Variants in OTOP1 observed in about 807,000 individuals in gnomAD.
The protein encoded by OTOP1 is proton channel OTOP1.
OTOP1 carries 59 observed loss-of-function variants against 52.9 expected under a neutral mutation model. The observed-to-expected ratio is 1.12, with a 90% CI of 0.91 to 1.39. The LOEUF is 1.39. Ranked by LOEUF, OTOP1 falls within the 40% of genes most tolerant of loss-of-function variation. OTOP1 has a pLI of 0.00. For missense variants in OTOP1, 761 were observed against 800.9 expected (o/e 0.95, Z 0.60); for synonymous variants, 317 against 337.7 (o/e 0.94, Z 0.67).
intron 1 of OTOP1, among the ~76,000 whole-genome samples, chr4:4,221,176 T>A (rs1263888780): frequency 6.6e-6 from 1 of 151,558 alleles, no homozygotes; most frequent in Non-Finnish European, 1.5e-5. Flanking sequence ...GCCTCCTGGG[T>A]TCAAGCAATT....
At chr4:4,198,204 C>T in intron 4 of OTOP1, 101 bp from the exon 5 acceptor site, 1 of 942,826 alleles carries the variant, frequency 1.1e-6, no homozygotes. Context: ...AGGCTTGGGT[C>T]TTCCCACTGG....
At chr4:4,211,907 G>A (rs533582587) in intron 2 of OTOP1, among the ~76,000 whole-genome samples, 7 of 152,266 alleles carry the variant, frequency 4.6e-5, no homozygotes, top group Non-Finnish European at 7.4e-5. Flanking sequence ...AATGGACAAC[G>A]TGAAGACTAT....
intron 5 of OTOP1, among the ~76,000 whole-genome samples, chr4:4,193,035 T>C (rs1323465735): frequency 6.6e-6 from 1 of 152,222 alleles, no homozygotes; most frequent in Non-Finnish European, 1.5e-5. Context: ...GTTTATGTGA[T>C]GTGTTTTTTG....
intron 3 of OTOP1, among the ~76,000 whole-genome samples, chr4:4,202,872 G>A (rs913607395): frequency 4.6e-5 from 7 of 152,214 alleles, no homozygotes; most frequent in African/African-American, 1.7e-4. Flanking sequence ...CTAGAGGGAT[G>A]AAAATTTACT....
In OTOP1 at chr4:4,218,360, C is replaced by T. The variant is rs190801537; in HGVS notation, c.404-5356G>A. Among the ~76,000 whole-genome samples, 5 of 148,854 alleles carry T rather than the reference C, an allele frequency of 3.4e-5. No homozygotes were observed. The East Asian group carries it at 9.9e-4, about 29-fold the overall frequency. ...TGAACCGAGATTGCGCCATTGCACT[C>T]CAGCATGGGTGACAGAGCGAGACTC... On this transcript the variant is annotated intron_variant, in intron 1 of 5. Coordinates refer to ENST00000296358, the MANE Select transcript of OTOP1 (RefSeq NM_177998.3).
intron 5 of OTOP1, among the ~76,000 whole-genome samples, chr4:4,192,758 G>A (rs545726806): frequency 9.9e-4 from 151 of 152,286 alleles, no homozygotes; most frequent in Non-Finnish European, 1.7e-3. Context: ...GGAGACCCTG[G>A]AGGGTGTTAT....
At chr4:4,209,558 G>A (rs941386312) in intron 2 of OTOP1, among the ~76,000 whole-genome samples, 13 of 152,102 alleles carry the variant, frequency 8.5e-5, no homozygotes, top group Admixed American at 3.9e-4. Context: ...CACTGCCCTC[G>A]AGGTGAAGCC....
At chr4:4,222,433 C>T (rs561854115) in intron 1 of OTOP1, among the ~76,000 whole-genome samples, 8 of 152,052 alleles carry the variant, frequency 5.3e-5, no homozygotes, top group South Asian at 2.1e-4. Flanking sequence ...CTCCTCCTGC[C>T]GCCACTCTTT....
rs1190823525 is a variant in OTOP1 at position 4,197,291 on chromosome 4, TCTC to T, written c.1540_1542del (p.Glu514del). On this transcript the variant is annotated inframe_deletion, in exon 5 of 6. Transcript: ENST00000296358. ...CCTCCCCAGCTGCTCTCCTCCTGCT[TCTC>T]CTCCTCCTTGTCATGGCTTTCTCTC... 1.9e-6 allele frequency: 3 copies of T among 1,614,102 alleles called. No homozygotes were observed. Among genetic ancestry groups the T allele is most frequent in the East Asian group, 2.2e-5 (1 of 44,868 alleles).
At chr4:4,189,188 C>T (rs1716450155) in intron 5 of OTOP1, among the ~76,000 whole-genome samples, 1 of 152,206 alleles carries the variant, frequency 6.6e-6, no homozygotes, top group African/African-American at 2.4e-5. Flanking sequence ...CTCAACCACC[C>T]TTCCCTGCAA....
Position 4,215,436 on chromosome 4 carries a change from T to A in OTOP1, c.404-2432A>T, listed in dbSNP as rs888255846. Among the ~76,000 whole-genome samples, 27 of 151,916 alleles carry A rather than the reference T, an allele frequency of 1.8e-4. No individual in the cohort carries two copies. In the East Asian group the frequency reaches 4.3e-3, roughly 24 times the overall value. ...CAGCACTTTGGGATGCTGAGGCGGG[T>A]GGATCACCTGAGGTTGGGAGTTCGA... On this transcript the variant is annotated intron_variant, in intron 1 of 5. Transcript: ENST00000296358.
chr4:4,221,236 C>T (rs1300576098), intron 1 of OTOP1, among the ~76,000 whole-genome samples: 6 of 151,510 alleles, frequency 4.0e-5, no homozygotes, highest in Non-Finnish European at 5.9e-5. Context: ...CTCCACATAG[C>T]GAGACCCCTG....
At chr4:4,212,652 T>C (rs897102248) in intron 2 of OTOP1, among the ~76,000 whole-genome samples, 11 of 152,218 alleles carry the variant, frequency 7.2e-5, no homozygotes, top group African/African-American at 1.2e-4. Context: ...TTCTGCCTCA[T>C]AGGATCCCTG....
At chr4:4,208,628 G>A (rs1444385330) in intron 2 of OTOP1, among the ~76,000 whole-genome samples, 2 of 152,128 alleles carry the variant, frequency 1.3e-5, no homozygotes, top group African/African-American at 4.8e-5. Flanking sequence ...CGGAGGAGGA[G>A]GAAATAGAGA....
At chr4:4,196,386 C>G (rs779252213) in intron 5 of OTOP1, among the ~76,000 whole-genome samples, 1 of 152,102 alleles carries the variant, frequency 6.6e-6, no homozygotes, top group Non-Finnish European at 1.5e-5. Context: ...ACCCCCATCT[C>G]TACTAAAAAT....
chr4:4,207,295 C>T (rs952556812), intron 2 of OTOP1, among the ~76,000 whole-genome samples: 18 of 152,160 alleles, frequency 1.2e-4, no homozygotes, highest in Admixed American at 3.3e-4. Flanking sequence ...AATTAGACAG[C>T]CATTTAATTG....
In OTOP1 at chr4:4,203,452, C is replaced by T. The variant is rs142125353; in HGVS notation, c.600-874G>A. On this transcript the variant is annotated intron_variant, in intron 3 of 5. Coordinates refer to ENST00000296358, the MANE Select transcript of OTOP1 (RefSeq NM_177998.3). ...GCAGCCACATGGGGGTTTGCAGAGT[C>T]GGTAAGGAGCAGAGGTCTTCCAGTC... is the stretch of plus-strand genomic sequence containing the variant. 4.1e-3 allele frequency among the ~76,000 whole-genome samples: 623 copies of T among 152,300 alleles called. 4 individuals carry two copies. Among genetic ancestry groups the T allele is most frequent in the South Asian group, 0.021 (103 of 4,828 alleles).
chr4:4,219,390 C>T lies in OTOP1; in HGVS notation c.404-6386G>A, dbSNP rs142762308. On this transcript the variant is annotated intron_variant, in intron 1 of 5. Coordinates refer to ENST00000296358, the MANE Select transcript of OTOP1 (RefSeq NM_177998.3). ...TAAGTAGGATAAAGAATCCTTCCTC[C>T]TTTATCGCTACATATGATAAAAGAC... 1.2e-4 allele frequency among the ~76,000 whole-genome samples: 19 copies of T among 152,248 alleles called. No individual in the cohort carries two copies. The East Asian group carries it at 2.5e-3, about 20-fold the overall frequency.
intron 3 of OTOP1, among the ~76,000 whole-genome samples, chr4:4,204,803 G>A (rs190151572): frequency 4.0e-5 from 6 of 149,770 alleles, no homozygotes; most frequent in South Asian, 2.1e-4. Context: ...ATGGAATCTC[G>A]CTCTGTTGCC....
Sources: allele counts gnomAD v4.1 joint callset (sites outside exome capture counted in the v4.1 genomes callset), GRCh38; gene constraint gnomAD v4.1.1; transcripts MANE v1.5; gene names NCBI Gene and HGNC (gene_info 2026-07-23, HGNC 2026-07-21).